The following ASAH2 variants were observed in gnomAD, a reference collection of about 807,000 sequenced individuals.
ASAH2 encodes the protein N-acylsphingosine amidohydrolase 2, also known as neutral ceramidase.
ASAH2 carries 58 observed loss-of-function variants against 82.9 expected under a neutral mutation model. The observed-to-expected ratio is 0.70, with a 90% CI of 0.57 to 0.87. ASAH2 has a LOEUF of 0.87. ASAH2 is among the 40% of genes least tolerant of loss of function. ASAH2 has a pLI of 0.00. For synonymous variants in ASAH2, 276 were observed against 289.7 expected (o/e 0.95, Z 0.48); for missense variants, 779 against 834.0 (o/e 0.93, Z 0.81).
intron 7 of ASAH2, among the ~76,000 whole-genome samples, chr10:50,221,759 C>T (rs1471865944): frequency 6.6e-6 from 1 of 151,952 alleles, no homozygotes; most frequent in Admixed American, 6.6e-5. Flanking sequence ...GATATATGCT[C>T]TTATCCACTG....
intron 4 of ASAH2, among the ~76,000 whole-genome samples, chr10:50,237,422 C>A (rs1452545558): frequency 6.6e-6 from 1 of 152,188 alleles, no homozygotes; most frequent in Non-Finnish European, 1.5e-5. Flanking sequence ...CTGAGTGCCA[C>A]ATCATGACAC....
At chr10:50,234,696 A>T in intron 5 of ASAH2, 144 bp from the exon 6 acceptor site, 1 of 1,161,632 alleles carries the variant, frequency 8.6e-7, no homozygotes, top group Admixed American at 1.9e-5. Flanking sequence ...CTGGAGAACC[A>T]CATCGCTGTT....
intron 15 of ASAH2, 139 bp from the exon 16 acceptor site, chr10:50,203,063 C>T: frequency 1.5e-6 from 1 of 674,212 alleles, no homozygotes; most frequent in Admixed American, 2.4e-5. Context: ...TAACTCTGCA[C>T]TACAGTTGGA....
chr10:50,205,016 A>C, intron 13 of ASAH2, 61 bp from the exon 14 acceptor site: 1 of 1,170,382 alleles, frequency 8.5e-7, no homozygotes, highest in East Asian at 2.4e-5. Flanking sequence ...GTCAACAGAC[A>C]TATAGTGGTC....
chr10:50,201,788 G>C (rs993521034), intron 16 of ASAH2, among the ~76,000 whole-genome samples: 3 of 152,116 alleles, frequency 2.0e-5, no homozygotes, highest in African/African-American at 7.2e-5. Context: ...CCAATGTTGT[G>C]ATACAGTAAT....
At chr10:50,245,613 TA>T (rs1438292161) in intron 2 of ASAH2, among the ~76,000 whole-genome samples, 159 bp from the exon 3 acceptor site, 3 of 152,154 alleles carry the variant, frequency 2.0e-5, no homozygotes, top group African/African-American at 2.4e-5. Flanking sequence ...AGAACCTGTT[TA>T]AAAATCATAA....
At chr10:50,207,277 G>C (rs1845325334) in intron 12 of ASAH2, among the ~76,000 whole-genome samples, 1 of 151,578 alleles carries the variant, frequency 6.6e-6, no homozygotes, top group African/African-American at 2.4e-5. Context: ...TATTGGAAAA[G>C]GAAAGCAAAC....
rs1468511538 is a variant in ASAH2, at chr10:50,185,225, T to C, written c.*2090A>G. 184 of 151,066 alleles carry C rather than the reference T, an allele frequency of 1.2e-3. No individual in the cohort carries two copies. The highest frequency in any genetic ancestry group is 3.1e-3 in the African/African-American group (126 of 40,968). 9.4% of individuals were successfully genotyped at this position (151,066 alleles called of 1,614,324 possible). ...ACAGATAAGTTCAATTACTTCATGA[T>C]ATTCTTTTATGCACAGGTAAAGAAC... On this transcript the variant is annotated 3_prime_UTR_variant, in exon 21 of 21. Coordinates refer to ENST00000682911, the MANE Select transcript of ASAH2 (RefSeq NM_019893.4).
At chr10:50,218,198 T>C (rs1002630915) in intron 8 of ASAH2, among the ~76,000 whole-genome samples, 3 of 152,174 alleles carry the variant, frequency 2.0e-5, no homozygotes, top group Middle Eastern at 3.2e-3. Flanking sequence ...ATCAACAGTT[T>C]GTCATATTTT....
At chr10:50,211,800 T>C (rs921323671) in intron 10 of ASAH2, among the ~76,000 whole-genome samples, 21 of 152,268 alleles carry the variant, frequency 1.4e-4, no homozygotes, top group Admixed American at 9.2e-4. Flanking sequence ...TCATTTCCAC[T>C]CTGTCCCCAC....
rs780489180 is a variant in ASAH2 at position 50,214,766 on chromosome 10, T to A, written c.1117A>T (p.Asn373Tyr). Residue 373 changes from asparagine to tyrosine, a missense_variant, in exon 9 of 21, where the codon AAT becomes TAT. Coordinates refer to ENST00000682911, the MANE Select transcript of ASAH2 (RefSeq NM_019893.4). ...INTGESCDNANSTCPIGGPSM... is the reference protein window; with the variant it reads ...INTGESCDNAYSTCPIGGPSM... ...ACCCCACCAATGGGACAAGTGCTAT[T>A]GGCGTTATCACAGGACTCTCCTGTG... 6.2e-6 allele frequency: 10 copies of A among 1,613,678 alleles called. No individual in the cohort carries two copies. The highest frequency in any genetic ancestry group is 8.5e-6 in the Non-Finnish European group (10 of 1,179,728).
chr10:50,225,662 G>A (rs1177564899), intron 7 of ASAH2, among the ~76,000 whole-genome samples: 1 of 152,166 alleles, frequency 6.6e-6, no homozygotes, highest in African/African-American at 2.4e-5. Flanking sequence ...TGAGTAATGG[G>A]AGAGTAAACC....
chr10:50,240,192 C>T (rs955373293), intron 4 of ASAH2, among the ~76,000 whole-genome samples: 11 of 152,108 alleles, frequency 7.2e-5, no homozygotes, highest in Non-Finnish European at 1.6e-4. Context: ...GGTTTAAGAT[C>T]TTTGTGCCAG....
intron 16 of ASAH2, among the ~76,000 whole-genome samples, chr10:50,200,289 G>A (rs1229462748): frequency 1.8e-4 from 27 of 151,028 alleles, no homozygotes; most frequent in African/African-American, 5.6e-4. Flanking sequence ...CTGAGTGAAG[G>A]CTCAGTAGCA....
At position 50,203,416 on chromosome 10, in the gene ASAH2, A is replaced by G. The variant is rs1026168706; in HGVS notation, c.1665+224T>C. ...TATTTAATGTATACAAACATTATCA[A>G]ATTTTAAAATATTAATACATAAATA... On this transcript the variant is annotated intron_variant, in intron 15 of 20. Coordinates refer to ENST00000682911, the MANE Select transcript of ASAH2 (RefSeq NM_019893.4). Among the ~76,000 whole-genome samples the G allele has an allele frequency of 6.8e-4, 103 of 152,010 alleles. 1 individual carries two copies. The highest frequency in any genetic ancestry group is 3.2e-3 in the Middle Eastern group (1 of 316).
At chr10:50,216,949 G>C (rs1845616403) in intron 8 of ASAH2, among the ~76,000 whole-genome samples, 1 of 152,172 alleles carries the variant, frequency 6.6e-6, no homozygotes, top group South Asian at 2.1e-4. Flanking sequence ...AGCTTGCTTT[G>C]GTTTGGATGT....
Position 50,210,879 on chromosome 10 carries a change from C to T in ASAH2, c.1358G>A (p.Gly453Asp), listed in dbSNP as rs1845436769. 1.9e-6 allele frequency: 3 copies of T among 1,613,456 alleles called. No individual in the cohort carries two copies. The highest frequency in any genetic ancestry group is 2.5e-6 in the Non-Finnish European group (3 of 1,179,508). The stretch of plus-strand genomic sequence containing the variant: ...AATAGTGCCAGCTGCAAAACTGTAG[C>T]CCAATGCTGGTTTACATGTTTTTGA... ...HASKTCKPAL[G>D]YSFAAGTIDG... The change falls in exon 12 of 21, where the codon GGC becomes GAC. Residue 453 changes from glycine to aspartate, a missense_variant. Transcript: ENST00000682911.
At chr10:50,235,667 T>C (rs1229348624) in intron 5 of ASAH2, among the ~76,000 whole-genome samples, 1 of 152,092 alleles carries the variant, frequency 6.6e-6, no homozygotes, top group African/African-American at 2.4e-5. Flanking sequence ...TTGGGCTTAG[T>C]CCCATAGAAG....
At chr10:50,200,444 C>T (rs1426356438) in intron 16 of ASAH2, among the ~76,000 whole-genome samples, 1 of 151,784 alleles carries the variant, frequency 6.6e-6, no homozygotes, top group Non-Finnish European at 1.5e-5. Context: ...TTGCATATAT[C>T]GTTTCTTCTA....
Sources: gnomAD v4.1 joint callset for allele counts (sites outside exome capture counted in the v4.1 genomes callset) on GRCh38, gnomAD v4.1.1 for gene constraint, MANE v1.5 for transcripts, NCBI Gene and HGNC (gene_info 2026-07-23, HGNC 2026-07-21) for gene names.